PABPC4L: variants seen among roughly 807,000 people sequenced by gnomAD.
PABPC4L encodes poly(A) binding protein cytoplasmic 4 like.
For synonymous variants in PABPC4L, 169 were observed against 164.1 expected (o/e 1.03, Z -0.23); for missense variants, 452 against 451.4 (o/e 1.00, Z -0.01).
At chr4:134,097,484 G>C in the PABPC4L span, among the ~76,000 whole-genome samples, 1 of 151,854 alleles carries the variant, frequency 6.6e-6, no homozygotes, top group Non-Finnish European at 1.5e-5. Context: ...GAAACAGAGA[G>C]AGAGAGACAG....
chr4:134,131,459 T>A, the PABPC4L span, among the ~76,000 whole-genome samples: 2 of 150,908 alleles, frequency 1.3e-5, no homozygotes, highest in Admixed American at 6.6e-5. Context: ...TGCAAAAAAA[T>A]TAAAATAAAA....
At chr4:134,181,812 C>T in the PABPC4L span, among the ~76,000 whole-genome samples, 5 of 151,520 alleles carry the variant, frequency 3.3e-5, no homozygotes, top group South Asian at 2.1e-4. Context: ...TACAGCTAAC[C>T]GGCAAGGTAA....
the PABPC4L span, among the ~76,000 whole-genome samples, chr4:134,022,888 AT>A: frequency 5.9e-5 from 9 of 152,104 alleles, no homozygotes; most frequent in Non-Finnish European, 1.3e-4. Context: ...AGTCTTTAAA[AT>A]TTGAATACTA....
chr4:134,044,403 A>G, the PABPC4L span, among the ~76,000 whole-genome samples: 1 of 152,060 alleles, frequency 6.6e-6, no homozygotes, highest in African/African-American at 2.4e-5. Context: ...AGCTGGGACT[A>G]CAGGCATCCG....
At chr4:134,049,940 G>A in the PABPC4L span, among the ~76,000 whole-genome samples, 1 of 152,090 alleles carries the variant, frequency 6.6e-6, no homozygotes, top group Non-Finnish European at 1.5e-5. Flanking sequence ...CTAGTATTCT[G>A]AAAATTAATG....
the PABPC4L span, among the ~76,000 whole-genome samples, chr4:133,953,490 A>T: frequency 6.6e-6 from 1 of 152,212 alleles, no homozygotes; most frequent in Admixed American, 6.5e-5. Context: ...CATTTAAAAG[A>T]TCTTGCCCTA....
chr4:134,144,457 T>C, the PABPC4L span, among the ~76,000 whole-genome samples: 1 of 151,362 alleles, frequency 6.6e-6, no homozygotes, highest in Non-Finnish European at 1.5e-5. Context: ...TTACTTTTAA[T>C]ATGTATCTAT....
At chr4:134,161,325 A>C in the PABPC4L span, among the ~76,000 whole-genome samples, 1 of 152,084 alleles carries the variant, frequency 6.6e-6, no homozygotes, top group African/African-American at 2.4e-5. Flanking sequence ...TATTGGTTAT[A>C]AAGAGGATGT....
At chr4:133,978,675 G>T in the PABPC4L span, among the ~76,000 whole-genome samples, 2 of 152,058 alleles carry the variant, frequency 1.3e-5, no homozygotes, top group Non-Finnish European at 1.5e-5. Context: ...TGGCCTCTCT[G>T]TTAGGAAGAA....
the PABPC4L span, among the ~76,000 whole-genome samples, chr4:134,170,596 C>T: frequency 3.3e-5 from 5 of 152,038 alleles, no homozygotes; most frequent in African/African-American, 1.2e-4. Flanking sequence ...ATGGTGGAAA[C>T]AGGAGCCAGA....
the PABPC4L span, among the ~76,000 whole-genome samples, chr4:134,094,978 CA>C: frequency 6.6e-6 from 1 of 151,480 alleles, no homozygotes; most frequent in Non-Finnish European, 1.5e-5. Context: ...ATATGAAAAA[CA>C]AAGTTAGTGT....
At chr4:134,193,095 T>C (rs1729557223), downstream of PABPC4L, among the ~76,000 whole-genome samples, 1 of 152,116 alleles carries the variant, frequency 6.6e-6, no homozygotes, top group Admixed American at 6.6e-5. Context: ...ACTTTGTTTT[T>C]GCCTATAGTG....
the PABPC4L span, among the ~76,000 whole-genome samples, chr4:134,096,491 T>C: frequency 6.6e-6 from 1 of 151,912 alleles, no homozygotes; most frequent in African/African-American, 2.4e-5. Flanking sequence ...GCCTACAAGT[T>C]TTTTGTACAT....
chr4:134,111,684 A>C, the PABPC4L span, among the ~76,000 whole-genome samples: 1 of 151,972 alleles, frequency 6.6e-6, no homozygotes, highest in East Asian at 1.9e-4. Flanking sequence ...ATCGTTAATA[A>C]GTCTCATGAG....
At chr4:134,150,868 A>G in the PABPC4L span, among the ~76,000 whole-genome samples, 1 of 152,178 alleles carries the variant, frequency 6.6e-6, no homozygotes, top group Admixed American at 6.5e-5. Context: ...GCCAGTATAA[A>G]CTCAAAATAT....
chr4:134,042,321 A>C, the PABPC4L span, among the ~76,000 whole-genome samples: 1 of 152,112 alleles, frequency 6.6e-6, no homozygotes, highest in African/African-American at 2.4e-5. Context: ...GTGAAGGATG[A>C]AAAACTACCT....
chr4:134,088,554 A>C, the PABPC4L span, among the ~76,000 whole-genome samples: 1 of 152,108 alleles, frequency 6.6e-6, no homozygotes, highest in Non-Finnish European at 1.5e-5. Flanking sequence ...TGGTCCCTTT[A>C]GAACATGATT....
chr4:133,966,258 G>T, the PABPC4L span, among the ~76,000 whole-genome samples: 1 of 152,034 alleles, frequency 6.6e-6, no homozygotes, highest in Non-Finnish European at 1.5e-5. Flanking sequence ...AAACCACAAT[G>T]TGATACCACA....
the PABPC4L span, among the ~76,000 whole-genome samples, chr4:134,000,687 T>A: frequency 6.6e-6 from 1 of 152,138 alleles, no homozygotes; most frequent in African/African-American, 2.4e-5. Context: ...TTCCTCAATA[T>A]GAGTGGCAGC....
Sources: gnomAD v4.1 joint callset for allele counts (sites outside exome capture counted in the v4.1 genomes callset) on GRCh38, gnomAD v4.1.1 for gene constraint, MANE v1.5 for transcripts, NCBI Gene and HGNC (gene_info 2026-07-23, HGNC 2026-07-21) for gene names.